Variants in ZNF462 observed in about 807,000 individuals in gnomAD.
ZNF462 encodes zinc finger protein 462.
A neutral mutation model predicts 201.9 loss-of-function variants in ZNF462; 10 were observed. That is an observed-to-expected ratio of 0.05 (90% CI 0.03 to 0.08). The LOEUF (loss-of-function observed/expected upper bound fraction) is 0.08, where lower values mean the gene tolerates loss of function less well. Ranked by LOEUF, ZNF462 falls within the 10% of genes least tolerant of loss-of-function variation. ZNF462 has a pLI of 1.00. For missense variants in ZNF462, 2,523 were observed against 3,168.3 expected, an observed-to-expected ratio of 0.80 and a Z score of 4.89; for synonymous variants, 1,227 against 1,193.3, an observed-to-expected ratio of 1.03 and a Z score of -0.58.
chr9:106,973,234 C>A (rs546038827), intron 8 of ZNF462, among the ~76,000 whole-genome samples: 1 of 151,782 alleles, frequency 6.6e-6, no homozygotes, highest in Admixed American at 6.6e-5. Context: ...CTATTGTAAT[C>A]AGGATCTGAG....
intron 1 of ZNF462, among the ~76,000 whole-genome samples, chr9:106,863,809 A>T (rs561608612): frequency 1.0e-4 from 14 of 137,800 alleles, no homozygotes; most frequent in Non-Finnish European, 1.2e-4. Context: ...TGGGGACAGG[A>T]GTAGGGACAG....
intron 1 of ZNF462, among the ~76,000 whole-genome samples, chr9:106,875,451 T>C (rs1827788940): frequency 1.3e-5 from 2 of 152,210 alleles, no homozygotes; most frequent in South Asian, 4.1e-4. Context: ...TTTTACTTTA[T>C]AAGGCATAAT....
intron 1 of ZNF462, among the ~76,000 whole-genome samples, chr9:106,871,963 G>A (rs979991422): frequency 6.6e-6 from 1 of 152,218 alleles, no homozygotes; most frequent in African/African-American, 2.4e-5. Flanking sequence ...CCTGGCGTCA[G>A]TTTGGGTTTC....
In ZNF462 at chr9:106,920,014, G is replaced by C. The variant is rs916945210; in HGVS notation, c.-30-3340G>C. Among the ~76,000 whole-genome samples the C allele has an allele frequency of 6.6e-6, 1 of 152,186 alleles. No individual in the cohort carries two copies. Among genetic ancestry groups the C allele is most frequent in the Non-Finnish European group, 1.5e-5 (1 of 68,040 alleles). On this transcript the variant is annotated intron_variant, in intron 1 of 12. Coordinates refer to ENST00000277225, the MANE Select transcript of ZNF462 (RefSeq NM_021224.6). The surrounding 1 kb of genome is among the most constrained non-coding windows in gnomAD (Gnocchi z 4.3). Reference sequence around the variant, plus strand: ...CATAATCATAGTATTATTAAATGAAGTCAATAGATATGAGATCAAAGCTTT... The same window carrying C: ...CATAATCATAGTATTATTAAATGAACTCAATAGATATGAGATCAAAGCTTT...
chr9:106,989,599 T>G (rs1277540224), intron 10 of ZNF462, among the ~76,000 whole-genome samples: 1 of 152,126 alleles, frequency 6.6e-6, no homozygotes, highest in Non-Finnish European at 1.5e-5. Context: ...TGTGGGATAG[T>G]GTCAAAAGTA....
intron 1 of ZNF462, among the ~76,000 whole-genome samples, chr9:106,892,692 G>GCA (rs897679641): frequency 7.1e-6 from 1 of 139,966 alleles, no homozygotes; most frequent in Admixed American, 6.8e-5. Context: ...ACACACACAT[G>GCA]CACACACACA....
chr9:106,983,092 A>C (rs1827569480), intron 9 of ZNF462, among the ~76,000 whole-genome samples: 2 of 152,222 alleles, frequency 1.3e-5, no homozygotes, highest in Admixed American at 1.3e-4. Context: ...TGATTCTTGC[A>C]TAAATAGCAC....
chr9:106,889,381 T>C (rs935747402), intron 1 of ZNF462, among the ~76,000 whole-genome samples: 3 of 152,202 alleles, frequency 2.0e-5, no homozygotes, highest in African/African-American at 7.2e-5. Context: ...TGCTGCTGTC[T>C]TGTGGATTTG....
chr9:106,996,296 AG>A (rs1193159953), intron 10 of ZNF462, among the ~76,000 whole-genome samples: 1 of 152,196 alleles, frequency 6.6e-6, no homozygotes, highest in African/African-American at 2.4e-5. Context: ...GTGTCTTTAT[AG>A]CAGCATGATT....
intron 10 of ZNF462, among the ~76,000 whole-genome samples, chr9:106,990,960 T>C (rs538856145): frequency 4.9e-4 from 74 of 152,124 alleles, no homozygotes; most frequent in African/African-American, 1.7e-3. Flanking sequence ...GGGAAAGATA[T>C]ACAAACACCT....
In ZNF462 at chr9:106,930,129, C is replaced by A. The variant is rs1176419489; in HGVS notation, c.5847+370C>A. 6.6e-6 allele frequency among the ~76,000 whole-genome samples: 1 copy of A among 152,176 alleles called. No individual in the cohort carries two copies. The highest frequency in any genetic ancestry group is 2.1e-4 in the South Asian group (1 of 4,828). On this transcript the variant is annotated intron_variant, in intron 3 of 12. Coordinates refer to ENST00000277225, the MANE Select transcript of ZNF462 (RefSeq NM_021224.6). This position sits in a 1 kb window ranked among gnomAD's most constrained non-coding sequence, Gnocchi z 5.8. ...TACCATTAGCACTTCTCAGCCATGT[C>A]TTGGTCTTCAGTGTTTGCTACATGA... is the stretch of plus-strand genomic sequence containing the variant.
Position 106,984,395 on chromosome 9 carries a change from C to T in ZNF462, c.7042C>T (p.Arg2348Trp), listed in dbSNP as rs754382589. ...CACGGAGGAACTGGACAGCCACCTT[C>T]GGGATGAGCATAAGGTACTTACCAG... Reference protein sequence around the residue: ...KHTEELDSHLRDEHKVSRNFE... With the variant: ...KHTEELDSHLWDEHKVSRNFE... Residue 2348 changes from arginine (R) to tryptophan (W), a missense_variant, in exon 10 of 13, where the codon CGG (arginine) becomes TGG (tryptophan). By Grantham distance (101) the Arg-to-Trp change is moderately radical (BLOSUM62 -3). Around this residue, in one of 15 missense-constraint regions of ZNF462, gnomAD observed 228 missense variants for 361.2 expected, o/e 0.63. Coordinates refer to ENST00000277225, the MANE Select transcript of ZNF462 (RefSeq NM_021224.6). This position sits in a 1 kb window ranked among gnomAD's most constrained non-coding sequence, Gnocchi z 6.4. 6.2e-6 allele frequency: 10 copies of T among 1,613,080 alleles called. No individual in the cohort carries two copies. The African/African-American group carries it at 1.2e-4, about 19-fold the overall frequency.
chr9:106,920,526 C>G lies in ZNF462; in HGVS notation c.-30-2828C>G, dbSNP rs1246427498. 2.0e-5 allele frequency among the ~76,000 whole-genome samples: 3 copies of G among 152,208 alleles called. No individual in the cohort carries two copies. Among genetic ancestry groups the G allele is most frequent in the Admixed American group, 6.5e-5 (1 of 15,286 alleles). The stretch of plus-strand genomic sequence containing the variant: ...TCAGCGGCCTGGAGATTAACCTCTT[C>G]TAAGGCTCTGAGCTATTTTTGAGGC... On this transcript the variant is annotated intron_variant, in intron 1 of 12. Coordinates refer to ENST00000277225, the MANE Select transcript of ZNF462 (RefSeq NM_021224.6). This position sits in a 1 kb window ranked among gnomAD's most constrained non-coding sequence, Gnocchi z 4.3.
intron 7 of ZNF462, among the ~76,000 whole-genome samples, chr9:106,955,383 T>TA (rs1831529763): frequency 6.6e-6 from 1 of 152,142 alleles, no homozygotes; most frequent in Non-Finnish European, 1.5e-5. Context: ...ATATCTTAAT[T>TA]AAAAAATGAT....
chr9:106,905,858 A>G lies in ZNF462; in HGVS notation c.-30-17496A>G, dbSNP rs1829248912. Among the ~76,000 whole-genome samples the G allele has an allele frequency of 1.3e-5, 2 of 152,140 alleles. No homozygotes were observed. Among genetic ancestry groups the G allele is most frequent in the South Asian group, 4.2e-4 (2 of 4,808 alleles). Reference sequence around the variant, plus strand: ...GAAAAAAGAGTTTTAGTTCTTCCACACCTGTGTAGTCTGCACGCCGGATTT... The same window carrying G: ...GAAAAAAGAGTTTTAGTTCTTCCACGCCTGTGTAGTCTGCACGCCGGATTT... On this transcript the variant is annotated intron_variant, in intron 1 of 12. Coordinates refer to ENST00000277225, the MANE Select transcript of ZNF462 (RefSeq NM_021224.6). The surrounding 1 kb of genome is among the most constrained non-coding windows in gnomAD (Gnocchi z 5.9).
At chr9:106,947,891 G>T (rs1280261784) in intron 7 of ZNF462, among the ~76,000 whole-genome samples, 1 of 152,176 alleles carries the variant, frequency 6.6e-6, no homozygotes, top group Non-Finnish European at 1.5e-5. Context: ...TACAGGAAAT[G>T]AAAGACAAGT....
chr9:106,895,911 A>G lies in ZNF462; in HGVS notation c.-30-27443A>G, dbSNP rs1282924801. On this transcript the variant is annotated intron_variant, in intron 1 of 12. Transcript: ENST00000277225. This position sits in a 1 kb window ranked among gnomAD's most constrained non-coding sequence, Gnocchi z 4.4. ...TGGTTATGATGTTCACCTCCCCTCT[A>G]CATCCTGGTTTTATTTACTTATGAG... Among the ~76,000 whole-genome samples, 1 of 152,140 alleles carries G rather than the reference A, an allele frequency of 6.6e-6. No homozygotes were observed. Among genetic ancestry groups the G allele is most frequent in the Non-Finnish European group, 1.5e-5 (1 of 68,024 alleles).
At chr9:106,943,947 T>A (rs1369891479) in intron 7 of ZNF462, among the ~76,000 whole-genome samples, 1 of 152,132 alleles carries the variant, frequency 6.6e-6, no homozygotes, top group Non-Finnish European at 1.5e-5. Flanking sequence ...TCTGACACAA[T>A]TACTCTGCCA....
chr9:106,914,533 A>G (rs1271278640), intron 1 of ZNF462, among the ~76,000 whole-genome samples: 2 of 152,162 alleles, frequency 1.3e-5, no homozygotes, highest in East Asian at 3.9e-4. Flanking sequence ...AACACTCATG[A>G]CCAATCTCTG....
Sources: allele counts gnomAD v4.1 joint callset (sites outside exome capture counted in the v4.1 genomes callset), GRCh38; gene constraint gnomAD v4.1.1; regional missense constraint gnomAD v4.1.1; non-coding constraint Gnocchi (gnomAD v3.1); transcripts MANE v1.5; gene names NCBI Gene and HGNC (gene_info 2026-07-23, HGNC 2026-07-21).